TENT2: variants seen among roughly 807,000 people sequenced by gnomAD.
The protein encoded by TENT2 is terminal nucleotidyltransferase 2.
A neutral mutation model predicts 72.2 loss-of-function variants in TENT2; 44 were observed. The observed-to-expected ratio is 0.61, with a 90% CI of 0.48 to 0.78. The LOEUF (loss-of-function observed/expected upper bound fraction) is 0.78, where lower values mean the gene tolerates loss of function less well. Ranked by LOEUF, TENT2 falls within the 30% of genes least tolerant of loss-of-function variation. The probability of loss-of-function intolerance (pLI) is 0.00; values close to 1 mark genes in which losing one functional copy is unlikely to be tolerated. For missense variants in TENT2, 541 were observed against 569.6 expected (o/e 0.95, Z 0.51); for synonymous variants, 212 against 192.5 (o/e 1.10, Z -0.84).
At chr5:79,679,730 TTCAG>T in intron 13 of TENT2, 60 bp downstream of exon 13, 3 of 956,638 alleles carry the variant, frequency 3.1e-6, no homozygotes, top group Non-Finnish European at 4.4e-6. Flanking sequence ...CTTGAGTAAT[TTCAG>T]CTGTGTTTCA....
chr5:79,656,014 A>G (rs992557157), intron 10 of TENT2, among the ~76,000 whole-genome samples: 2 of 152,064 alleles, frequency 1.3e-5, no homozygotes, highest in East Asian at 1.9e-4. Context: ...TAAATCATAC[A>G]TTAAAAGTGA....
intron 4 of TENT2, among the ~76,000 whole-genome samples, chr5:79,637,730 G>A (rs1247122662): frequency 2.7e-5 from 4 of 149,770 alleles, no homozygotes; most frequent in Non-Finnish European, 3.0e-5. Flanking sequence ...ATGCCCAGCC[G>A]TGTGCTACTT....
chr5:79,633,635 C>T (rs537839969), intron 4 of TENT2, among the ~76,000 whole-genome samples: 23 of 150,328 alleles, frequency 1.5e-4, no homozygotes, highest in South Asian at 6.3e-4. Flanking sequence ...AGGCTGGTCT[C>T]GAACTGCCAA....
chr5:79,617,850 CTT>C (rs1761568509), intron 1 of TENT2, among the ~76,000 whole-genome samples: 1 of 152,166 alleles, frequency 6.6e-6, no homozygotes, highest in African/African-American at 2.4e-5. Flanking sequence ...CATTTTCCCT[CTT>C]TGAATATTTT....
At chr5:79,619,177 A>G (rs1762804571) in intron 1 of TENT2, among the ~76,000 whole-genome samples, 2 of 152,226 alleles carry the variant, frequency 1.3e-5, no homozygotes, top group South Asian at 2.1e-4. Context: ...TTAAGACAAT[A>G]TAAAATCCAT....
intron 4 of TENT2, among the ~76,000 whole-genome samples, chr5:79,630,741 G>A (rs1344429535): frequency 6.6e-6 from 1 of 151,938 alleles, no homozygotes; most frequent in Non-Finnish European, 1.5e-5. Context: ...TAGGGGAGAT[G>A]GGAAGAGGGG....
intron 11 of TENT2, among the ~76,000 whole-genome samples, chr5:79,665,460 C>G (rs1305626132): frequency 6.6e-6 from 1 of 152,162 alleles, no homozygotes; most frequent in African/African-American, 2.4e-5. Flanking sequence ...ATGATGGAAT[C>G]TGGCAAAAGG....
chr5:79,621,766 A>AC lies in TENT2; in HGVS notation c.228-1486_228-1485insC, dbSNP rs1224524371. Among the ~76,000 whole-genome samples, 53 of 100,052 alleles carry AC rather than the reference A, an allele frequency of 5.3e-4. 1 individual carries two copies. The highest frequency in any genetic ancestry group is 3.1e-3 in the African/African-American group (45 of 14,620). 65.6% of individuals were successfully genotyped at this position (100,052 alleles called of 152,430 possible). ...GAGCGAGACTCTATCTCAAAAAAAA[A>AC]AAAAAACAAAAAAAACAAAACTCCA... On this transcript the variant is annotated intron_variant, in intron 3 of 14. Transcript: ENST00000453514.
At chr5:79,661,871 G>A (rs544108098) in intron 11 of TENT2, among the ~76,000 whole-genome samples, 3 of 152,278 alleles carry the variant, frequency 2.0e-5, no homozygotes, top group Non-Finnish European at 4.4e-5. Flanking sequence ...AGCATTTTAC[G>A]TACAGTAGAA....
At position 79,621,481 on chromosome 5, in the gene TENT2, G is replaced by A. The variant is rs537644132; in HGVS notation, c.227+1398G>A. 1.4e-3 allele frequency among the ~76,000 whole-genome samples: 217 copies of A among 152,104 alleles called. 1 individual carries two copies. The highest frequency in any genetic ancestry group is 2.5e-3 in the Non-Finnish European group (172 of 67,984). ...GAATGAAAATAAGCTCCCTTAGGCC[G>A]GGCGCAGTGGCTCACACCTGTAATC... On this transcript the variant is annotated intron_variant, in intron 3 of 14. Transcript: ENST00000453514.
At chr5:79,640,995 G>T (rs1164162360) in intron 5 of TENT2, 30 bp downstream of exon 5, 5 of 1,521,036 alleles carry the variant, frequency 3.3e-6, no homozygotes, top group Non-Finnish European at 4.4e-6. Flanking sequence ...ATGTCCTTTA[G>T]GTATATGCAT....
intron 7 of TENT2, 51 bp downstream of exon 7, chr5:79,642,961 A>G: frequency 6.3e-7 from 1 of 1,593,130 alleles, no homozygotes; most frequent in Non-Finnish European, 8.5e-7. Flanking sequence ...AACTTTACTT[A>G]AAATGCCTCT....
intron 4 of TENT2, among the ~76,000 whole-genome samples, chr5:79,637,229 CA>C (rs56715544): frequency 0.11 from 16,989 of 148,310 alleles, 1,070 homozygotes; most frequent in East Asian, 0.29. Flanking sequence ...GACCATGTAT[CA>C]AAAAAAAAAA....
Position 79,679,579 on chromosome 5 carries a change from C to A in TENT2, c.1209C>A (p.Asp403Glu). Reference sequence around the variant, plus strand: ...ATGGTTACTGTTTTTCTTCTTATAGCTGGAATAGTCAAATGATTTCAGTTC... The same window carrying A: ...ATGGTTACTGTTTTTCTTCTTATAGATGGAATAGTCAAATGATTTCAGTTC... The part of the protein sequence containing the change: ...GFLKYYATEF[D>E]WNSQMISVRE... The change falls in exon 13 of 15, where the codon GAC (aspartate) becomes GAA (glutamate). Residue 403 changes from aspartate to glutamate, a missense_variant and splice_region_variant. Coordinates refer to ENST00000453514, the MANE Select transcript of TENT2 (RefSeq NM_001114394.3). 1.9e-6 allele frequency: 3 copies of A among 1,582,908 alleles called. No homozygotes were observed. The highest frequency in any genetic ancestry group is 2.6e-6 in the Non-Finnish European group (3 of 1,163,014).
intron 4 of TENT2, among the ~76,000 whole-genome samples, chr5:79,625,834 GT>G (rs11323205): frequency 0.21 from 30,064 of 144,514 alleles, 4,382 homozygotes; most frequent in African/African-American, 0.42. Context: ...TTAGTTAGCT[GT>G]TTTTTTTTTT....
chr5:79,638,189 C>T (rs960405749), intron 4 of TENT2, among the ~76,000 whole-genome samples: 5 of 152,044 alleles, frequency 3.3e-5, no homozygotes, highest in African/African-American at 1.2e-4. Flanking sequence ...GAATTTTTTA[C>T]CCTCTGTACT....
At chr5:79,632,559 GATTTTGA>G (rs908615792) in intron 4 of TENT2, among the ~76,000 whole-genome samples, 6 of 152,100 alleles carry the variant, frequency 3.9e-5, no homozygotes, top group Non-Finnish European at 7.4e-5. Flanking sequence ...TGACTTATTT[GATTTTGA>G]ATTTTGAGTT....
At chr5:79,644,013 C>T (rs948307544) in intron 7 of TENT2, among the ~76,000 whole-genome samples, 58 of 148,514 alleles carry the variant, frequency 3.9e-4, no homozygotes, top group Non-Finnish European at 6.8e-4. Context: ...GACAGAGTCT[C>T]GCTCTATCAC....
At chr5:79,671,490 C>T (rs1034169849) in intron 12 of TENT2, among the ~76,000 whole-genome samples, 86 of 151,624 alleles carry the variant, frequency 5.7e-4, no homozygotes, top group Non-Finnish European at 7.8e-4. Flanking sequence ...CTGCAACCTC[C>T]GCCTCATGGG....
Sources: allele counts gnomAD v4.1 joint callset (sites outside exome capture counted in the v4.1 genomes callset), GRCh38; gene constraint gnomAD v4.1.1; transcripts MANE v1.5; gene names NCBI Gene and HGNC (gene_info 2026-07-23, HGNC 2026-07-21).